Variants in CACNB2 observed in about 807,000 individuals in gnomAD.
CACNB2 encodes the protein voltage-dependent L-type calcium channel subunit beta-2.
CACNB2 carries 42 observed loss-of-function variants against 73.3 expected under a neutral mutation model. The ratio of observed to expected loss-of-function variants is 0.57; its 90% CI spans 0.45 to 0.74. The LOEUF is 0.74. Among genes scored for constraint, CACNB2 ranks in the 30% least tolerant of loss-of-function variants. The probability of loss-of-function intolerance (pLI) is 0.00; values close to 1 mark genes in which losing one functional copy is unlikely to be tolerated. For missense variants in CACNB2, 940 were observed against 853.0 expected (o/e 1.10, Z -1.27); for synonymous variants, 348 against 310.3 (o/e 1.12, Z -1.28).
rs1348268646 is a variant in CACNB2 at position 18,527,692 on chromosome 10, G to C, written c.1049G>C (p.Ser350Thr). 2 of 1,603,086 alleles carry C rather than the reference G, an allele frequency of 1.2e-6. No homozygotes were observed. The highest frequency in any genetic ancestry group is 3.3e-5 in the Admixed American group (2 of 60,000). Residue 350 changes from serine to threonine, a missense_variant, in exon 10 of 14, where the codon AGC (serine) becomes ACC (threonine). Ser to Thr is a moderately conservative substitution (Grantham distance 58). Transcript: ENST00000324631. The part of the protein sequence containing the change: ...AIIERSNTRS[S>T]LAEVQSEIER... ...ATAGAAAGATCCAACACAAGGTCAA[G>C]CTTAGGTAAGTCTGTGCAATGAGCT...
At chr10:18,402,400 A>AAC (rs1202882129) in intron 3 of CACNB2, among the ~76,000 whole-genome samples, 3 of 151,596 alleles carry the variant, frequency 2.0e-5, no homozygotes, top group Non-Finnish European at 4.4e-5. Context: ...AGAAAAAAAA[A>AAC]AAAAACAGAC....
At chr10:18,175,571 T>C (rs1023728680) in intron 2 of CACNB2, among the ~76,000 whole-genome samples, 2 of 152,144 alleles carry the variant, frequency 1.3e-5, no homozygotes. Flanking sequence ...GATACAGGGC[T>C]CCAGTCTTCC....
chr10:18,169,849 G>T (rs997378765), intron 2 of CACNB2, among the ~76,000 whole-genome samples: 1 of 152,158 alleles, frequency 6.6e-6, no homozygotes, highest in Non-Finnish European at 1.5e-5. Context: ...CATGACTCAG[G>T]CTGGCTTTAA....
At chr10:18,224,988 C>T (rs778178339) in intron 2 of CACNB2, among the ~76,000 whole-genome samples, 15 of 152,102 alleles carry the variant, frequency 9.9e-5, no homozygotes, top group African/African-American at 3.4e-4. Context: ...CCGCGTGTTT[C>T]GCTCTCTATG....
At chr10:18,275,090 ACAGGTGTTTCT>A (rs1396883169) in intron 2 of CACNB2, among the ~76,000 whole-genome samples, 11 of 152,154 alleles carry the variant, frequency 7.2e-5, no homozygotes, top group African/African-American at 2.7e-4. Context: ...CCTTGATGAG[ACAGGTGTTTCT>A]CATGGCATTT....
At chr10:18,191,132 A>G (rs2034376283) in intron 2 of CACNB2, among the ~76,000 whole-genome samples, 1 of 152,198 alleles carries the variant, frequency 6.6e-6, no homozygotes, top group Non-Finnish European at 1.5e-5. Flanking sequence ...CAATATTAGG[A>G]GGAAGAAACA....
intron 2 of CACNB2, among the ~76,000 whole-genome samples, chr10:18,194,570 C>A (rs2034547208): frequency 6.6e-6 from 1 of 152,220 alleles, no homozygotes; most frequent in Admixed American, 6.5e-5. Context: ...AGGTTCCTCT[C>A]TGTGATGTCC....
chr10:18,459,307 T>G (rs2047443524), intron 3 of CACNB2, among the ~76,000 whole-genome samples: 1 of 152,202 alleles, frequency 6.6e-6, no homozygotes, highest in South Asian at 2.1e-4. Flanking sequence ...TTTTTCTGTT[T>G]CTTCTGCAGA....
chr10:18,492,477 C>T (rs535685212), intron 3 of CACNB2, among the ~76,000 whole-genome samples: 14 of 151,992 alleles, frequency 9.2e-5, no homozygotes, highest in South Asian at 2.1e-4. Context: ...AAAAGTTAGC[C>T]GGGTGTGGTG....
intron 3 of CACNB2, among the ~76,000 whole-genome samples, chr10:18,454,134 C>T (rs2047151440): frequency 6.6e-6 from 1 of 152,142 alleles, no homozygotes; most frequent in Non-Finnish European, 1.5e-5. Context: ...ATAAAATGGA[C>T]AGTTATCATG....
intron 3 of CACNB2, among the ~76,000 whole-genome samples, chr10:18,425,575 G>A (rs1027629370): frequency 5.9e-5 from 9 of 152,104 alleles, no homozygotes; most frequent in Non-Finnish European, 8.8e-5. Flanking sequence ...GGCTGAGTTG[G>A]GGGGGTTGCT....
chr10:18,460,581 C>A (rs534042534), intron 3 of CACNB2, among the ~76,000 whole-genome samples: 1 of 151,836 alleles, frequency 6.6e-6, no homozygotes, highest in Non-Finnish European at 1.5e-5. Context: ...TGAAACCCTC[C>A]CATTTAAAAA....
intron 2 of CACNB2, among the ~76,000 whole-genome samples, chr10:18,281,232 A>G (rs2038532961): frequency 6.6e-6 from 1 of 152,228 alleles, no homozygotes; most frequent in African/African-American, 2.4e-5. Context: ...TGCCCAGGGA[A>G]GATACACTAG....
chr10:18,361,647 C>G (rs1182962839), intron 2 of CACNB2, among the ~76,000 whole-genome samples: 3 of 136,660 alleles, frequency 2.2e-5, no homozygotes, highest in Non-Finnish European at 3.1e-5. Flanking sequence ...TAGTCTTGCT[C>G]TATTGCTCCG....
chr10:18,396,215 C>G (rs566956700), intron 2 of CACNB2, among the ~76,000 whole-genome samples: 2 of 152,270 alleles, frequency 1.3e-5, no homozygotes, highest in South Asian at 4.1e-4. Flanking sequence ...CCTCTGCCTC[C>G]CAAAGTGCTG....
intron 2 of CACNB2, among the ~76,000 whole-genome samples, chr10:18,310,605 C>CAAAAAAAAAAAAAAAAAAAAAAAAA (rs1157466238): frequency 5.4e-5 from 2 of 36,862 alleles, no homozygotes; most frequent in Non-Finnish European, 9.0e-5. Flanking sequence ...AACTCCATCT[C>CAAAAAAAAAAAAAAAAAAAAAAAAA]AAAAAAAAAA....
intron 2 of CACNB2, among the ~76,000 whole-genome samples, chr10:18,335,437 A>G (rs1323642852): frequency 2.6e-5 from 4 of 152,152 alleles, no homozygotes; most frequent in Non-Finnish European, 4.4e-5. Context: ...AACAACAACA[A>G]AAATAATTAG....
intron 2 of CACNB2, among the ~76,000 whole-genome samples, chr10:18,165,769 A>G (rs745665900): frequency 6.6e-6 from 1 of 152,216 alleles, no homozygotes; most frequent in African/African-American, 2.4e-5. Flanking sequence ...CCCAGTAAAC[A>G]TCAAATAAGA....
chr10:18,490,325 A>G (rs1380390057), intron 3 of CACNB2, among the ~76,000 whole-genome samples: 1 of 152,230 alleles, frequency 6.6e-6, no homozygotes, highest in Admixed American at 6.5e-5. Context: ...GGGGGCTACA[A>G]TGCATAGATG....
Sources: gnomAD v4.1 joint callset for allele counts (sites outside exome capture counted in the v4.1 genomes callset) on GRCh38, gnomAD v4.1.1 for gene constraint, MANE v1.5 for transcripts, NCBI Gene and HGNC (gene_info 2026-07-23, HGNC 2026-07-21) for gene names.